Variants in SGSM1 observed in about 807,000 individuals in gnomAD.
SGSM1 encodes small G protein signaling modulator 1.
Under a neutral mutation model 133.8 loss-of-function variants are expected in SGSM1, and 73 were observed. The ratio of observed to expected loss-of-function variants is 0.55; its 90% confidence interval spans 0.45 to 0.66. The LOEUF is 0.66. Among genes scored for constraint, SGSM1 ranks in the 30% least tolerant of loss-of-function variants. The probability of loss-of-function intolerance (pLI) is 0.00; values close to 1 mark genes in which losing one functional copy is unlikely to be tolerated. For missense variants in SGSM1, 1,213 were observed against 1,448.1 expected (o/e 0.84, Z 2.64); for synonymous variants, 563 against 573.0 (o/e 0.98, Z 0.25).
At chr22:24,817,363 T>C (rs1327074346) in intron 2 of SGSM1, among the ~76,000 whole-genome samples, 1 of 151,512 alleles carries the variant, frequency 6.6e-6, no homozygotes, top group African/African-American at 2.4e-5. Flanking sequence ...TTTTTTTTCT[T>C]TTTTTTTTGA....
In SGSM1 at chr22:24,868,546, G is replaced by A. The variant is rs759833893; in HGVS notation, c.1158+7G>A. On this transcript the variant is annotated splice_region_variant and intron_variant, in intron 11 of 24. Coordinates refer to ENST00000400358, the MANE Select transcript of SGSM1 (RefSeq NM_001098497.3). ...GTGGTCCCAGAGGGGTAAGGTGAGT[G>A]ATCATCGGGACCCAGGGAGGCTGGG... 3.7e-6 allele frequency: 6 copies of A among 1,613,804 alleles called. No homozygotes were observed. The Admixed American group carries it at 6.7e-5, about 18-fold the overall frequency.
At chr22:24,870,099 T>A (rs1371605952) in intron 12 of SGSM1, among the ~76,000 whole-genome samples, 1 of 152,250 alleles carries the variant, frequency 6.6e-6, no homozygotes, top group Admixed American at 6.5e-5. Context: ...TGAGAGCAGA[T>A]GTCCTCCTGG....
At chr22:24,845,052 C>A in intron 3 of SGSM1, 80 bp downstream of exon 3, 1 of 1,384,336 alleles carries the variant, frequency 7.2e-7, no homozygotes, top group Non-Finnish European at 1.0e-6. Flanking sequence ...CACTGTTTTG[C>A]TTTATGACTC....
intron 12 of SGSM1, among the ~76,000 whole-genome samples, chr22:24,871,458 T>G (rs532657579): frequency 6.6e-6 from 1 of 152,226 alleles, no homozygotes; most frequent in South Asian, 2.1e-4. Flanking sequence ...CAGTAAGCAA[T>G]AGTAGGTATC....
At chr22:24,868,669 A>G in intron 11 of SGSM1, 54 bp from the exon 12 acceptor site, 1 of 1,609,438 alleles carries the variant, frequency 6.2e-7, no homozygotes, top group Non-Finnish European at 8.5e-7. Flanking sequence ...AGACTAAGCA[A>G]GTTGTGGGGA....
chr22:24,839,127 C>T (rs1017215447), intron 2 of SGSM1, among the ~76,000 whole-genome samples: 2 of 152,186 alleles, frequency 1.3e-5, no homozygotes, highest in African/African-American at 4.8e-5. Flanking sequence ...GTGATCATGG[C>T]TCACTGCAGC....
At chr22:24,899,704 G>A (rs1475900325) in intron 19 of SGSM1, among the ~76,000 whole-genome samples, 2 of 151,806 alleles carry the variant, frequency 1.3e-5, no homozygotes, top group African/African-American at 4.8e-5. Context: ...TGTGTTTTTA[G>A]TAGAGATAGG....
rs1208166555 is a variant in SGSM1 at position 24,806,430 on chromosome 22, T to G, written c.20-11T>G. The stretch of plus-strand genomic sequence containing the variant: ...TCGGCTGACCCGCGGCTCTCGTTTC[T>G]TGTCCCACAGAGGCGGAGACCCGAC... On this transcript the variant is annotated splice_polypyrimidine_tract_variant and intron_variant, in intron 1 of 24. Coordinates refer to ENST00000400358, the MANE Select transcript of SGSM1 (RefSeq NM_001098497.3). 4 of 1,523,608 alleles carry G rather than the reference T, an allele frequency of 2.6e-6. No individual in the cohort carries two copies. The Admixed American group carries it at 6.2e-5, about 24-fold the overall frequency. 94.4% of individuals were successfully genotyped at this position (1,523,608 alleles called of 1,614,324 possible).
chr22:24,865,990 G>A (rs917511476), intron 9 of SGSM1, among the ~76,000 whole-genome samples: 2 of 152,222 alleles, frequency 1.3e-5, no homozygotes, highest in Non-Finnish European at 2.9e-5. Context: ...GATAGATCCA[G>A]GGAGTGGCCT....
intron 21 of SGSM1, among the ~76,000 whole-genome samples, chr22:24,906,999 G>A (rs561483158): frequency 1.1e-4 from 16 of 150,872 alleles, no homozygotes; most frequent in African/African-American, 3.9e-4. Context: ...GGTGGATCAC[G>A]CCTGTAATCC....
chr22:24,868,735 C>A lies in SGSM1; in HGVS notation c.1171C>A (p.Pro391Thr), dbSNP rs924820630. Residue 391 changes from proline to threonine, a missense_variant, in exon 12 of 25, where the codon CCT becomes ACT. By Grantham distance (38) the Pro-to-Thr change is conservative (BLOSUM62 -1). Coordinates refer to ENST00000400358, the MANE Select transcript of SGSM1 (RefSeq NM_001098497.3). ...WSQRGKGKVF[P>T]KLRKRSPQGS... ...CATGTTTTTGCAGGGCAAAGTGTTT[C>A]CTAAACTGCGCAAGCGAAGCCCTCA... 4.3e-6 allele frequency: 7 copies of A among 1,613,872 alleles called. No individual in the cohort carries two copies. The highest frequency in any genetic ancestry group is 1.3e-5 in the African/African-American group (1 of 74,936).
At chr22:24,840,862 G>GT (rs1929747673) in intron 2 of SGSM1, among the ~76,000 whole-genome samples, 2 of 151,778 alleles carry the variant, frequency 1.3e-5, no homozygotes, top group South Asian at 2.1e-4. Context: ...GTTTTGTTTT[G>GT]TTTTTTAAGA....
intron 2 of SGSM1, among the ~76,000 whole-genome samples, chr22:24,841,309 G>A (rs531867136): frequency 1.3e-5 from 2 of 152,272 alleles, no homozygotes; most frequent in East Asian, 3.9e-4. Context: ...CATTGTGAAT[G>A]ACAAAGATGC....
intron 12 of SGSM1, among the ~76,000 whole-genome samples, chr22:24,870,038 T>G (rs1931690008): frequency 6.6e-6 from 1 of 152,258 alleles, no homozygotes; most frequent in Non-Finnish European, 1.5e-5. Flanking sequence ...ATAATGGCTC[T>G]GAGCCTCCCT....
intron 2 of SGSM1, among the ~76,000 whole-genome samples, chr22:24,837,598 A>C (rs139649): frequency 1.5e-5 from 2 of 135,644 alleles, no homozygotes; most frequent in East Asian, 2.3e-4. Context: ...CCCCTTTCCC[A>C]GTCTGCTAAG....
At chr22:24,817,475 C>G (rs1569131617) in intron 2 of SGSM1, among the ~76,000 whole-genome samples, 1 of 152,002 alleles carries the variant, frequency 6.6e-6, no homozygotes, top group African/African-American at 2.4e-5. Context: ...GCCTCAGCCT[C>G]CTAAGTAGCT....
At chr22:24,853,374 T>C (rs555359981) in intron 5 of SGSM1, among the ~76,000 whole-genome samples, 1 of 152,320 alleles carries the variant, frequency 6.6e-6, no homozygotes, top group South Asian at 2.1e-4. Flanking sequence ...TTCTTTTCAA[T>C]CCTGAAATTG....
chr22:24,834,105 G>C (rs1929286756), intron 2 of SGSM1, among the ~76,000 whole-genome samples: 1 of 152,266 alleles, frequency 6.6e-6, no homozygotes, highest in African/African-American at 2.4e-5. Flanking sequence ...AGCCTCTCTG[G>C]AGGTGACAGC....
At chr22:24,868,327 G>A in intron 10 of SGSM1, 49 bp from the exon 11 acceptor site, 1 of 1,573,600 alleles carries the variant, frequency 6.4e-7, no homozygotes, top group Non-Finnish European at 8.6e-7. Flanking sequence ...CTGTCACCGT[G>A]CCTCATAGTG....
Sources: allele counts gnomAD v4.1 joint callset (sites outside exome capture counted in the v4.1 genomes callset), GRCh38; gene constraint gnomAD v4.1.1; transcripts MANE v1.5; gene names NCBI Gene and HGNC (gene_info 2026-07-23, HGNC 2026-07-21).